C10orf90: variants seen among roughly 807,000 people sequenced by gnomAD.
The protein encoded by C10orf90 is chromosome 10 open reading frame 90, also known as (E2-independent) E3 ubiquitin-conjugating enzyme FATS.
Under a neutral mutation model 62.5 loss-of-function variants are expected in C10orf90, and 56 were observed. The ratio of observed to expected loss-of-function variants is 0.90; its 90% confidence interval spans 0.72 to 1.12. The LOEUF is 1.12. C10orf90 is among the 50% of genes most tolerant of loss of function. C10orf90 has a pLI of 0.00. For missense variants in C10orf90, 970 were observed against 880.4 expected, an observed-to-expected ratio of 1.10 and a Z score of -1.29; for synonymous variants, 386 against 340.4, an observed-to-expected ratio of 1.13 and a Z score of -1.47.
intron 4 of C10orf90, among the ~76,000 whole-genome samples, chr10:126,492,454 T>G (rs1277095083): frequency 1.3e-5 from 2 of 152,246 alleles, no homozygotes; most frequent in Non-Finnish European, 2.9e-5. Flanking sequence ...GAAGGATGTA[T>G]GCATGGGAAT....
intron 2 of C10orf90, among the ~76,000 whole-genome samples, chr10:126,556,698 T>A (rs1427993463): frequency 6.6e-6 from 1 of 152,032 alleles, no homozygotes; most frequent in East Asian, 1.9e-4. Context: ...TCATTTCTAG[T>A]GGGTTAAATC....
chr10:126,657,995 G>A (rs1846431131), intron 1 of C10orf90, among the ~76,000 whole-genome samples: 1 of 152,164 alleles, frequency 6.6e-6, no homozygotes, highest in Admixed American at 6.6e-5. Context: ...GGAGGCACAT[G>A]CACTCCCTCA....
At chr10:126,487,142 C>CAAAAAAAAAAAAAAAAAAAAAAA (rs1158481155) in intron 4 of C10orf90, among the ~76,000 whole-genome samples, 2 of 29,454 alleles carry the variant, frequency 6.8e-5, no homozygotes, top group African/African-American at 2.8e-4. Context: ...AAAACTCTGT[C>CAAAAAAAAAAAAAAAAAAAAAAA]AAAAAAAAAA....
intron 2 of C10orf90, among the ~76,000 whole-genome samples, chr10:126,541,751 G>C (rs1181318278): frequency 1.3e-5 from 2 of 152,198 alleles, no homozygotes; most frequent in African/African-American, 4.8e-5. Flanking sequence ...TTGCCAATGG[G>C]AATGTAAAAT....
At chr10:126,474,663 T>C (rs189958605) in intron 4 of C10orf90, among the ~76,000 whole-genome samples, 2 of 152,366 alleles carry the variant, frequency 1.3e-5, no homozygotes, top group Admixed American at 6.5e-5. Flanking sequence ...ATTATGATAA[T>C]GTTGACACCA....
intron 4 of C10orf90, among the ~76,000 whole-genome samples, chr10:126,502,213 T>A (rs1691171807): frequency 6.6e-6 from 1 of 152,122 alleles, no homozygotes; most frequent in South Asian, 2.1e-4. Flanking sequence ...GTAAAATTCA[T>A]CCATGTAACC....
chr10:126,481,141 T>C (rs1033816451), intron 4 of C10orf90, among the ~76,000 whole-genome samples: 1 of 152,234 alleles, frequency 6.6e-6, no homozygotes, highest in African/African-American at 2.4e-5. Context: ...CCTTCCATCA[T>C]CTGCAGATCT....
At position 126,459,171 on chromosome 10, in the gene C10orf90, T is replaced by A; in HGVS notation, c.2057A>T (p.Glu686Val). ...CATGTGTTCAAGCTTCTTCAGCCGT[T>A]CTTGTGAGCGAGAAATGAACTGAGG... ...RKPQFISRSQ[E>V]RLKKLEHMVQ... Residue 686 changes from glutamate to valine, a missense_variant, in exon 7 of 10, where the codon GAA (glutamate) becomes GTA (valine). By Grantham distance (121) the Glu-to-Val change is moderately radical. Coordinates refer to ENST00000488181, the MANE Select transcript of C10orf90 (RefSeq NM_001350921.2). 6.2e-7 allele frequency: 1 copy of A among 1,614,152 alleles called. No homozygotes were observed. The highest frequency in any genetic ancestry group is 8.5e-7 in the Non-Finnish European group (1 of 1,180,036).
At chr10:126,494,857 G>C (rs1363073102) in intron 4 of C10orf90, among the ~76,000 whole-genome samples, 2 of 152,224 alleles carry the variant, frequency 1.3e-5, no homozygotes, top group East Asian at 3.9e-4. Context: ...AGTGACAAAG[G>C]TTGTGTTCCC....
At chr10:126,484,541 T>C (rs1409125586) in intron 4 of C10orf90, among the ~76,000 whole-genome samples, 4 of 152,174 alleles carry the variant, frequency 2.6e-5, no homozygotes, top group Non-Finnish European at 5.9e-5. Context: ...CCTATCAAAT[T>C]AGTAAAGTGT....
chr10:126,627,825 C>T (rs116340535), intron 2 of C10orf90, among the ~76,000 whole-genome samples: 222 of 152,246 alleles, frequency 1.5e-3, no homozygotes, highest in African/African-American at 4.8e-3. Flanking sequence ...TGGGTTCCAG[C>T]GATCCTCCCA....
intron 2 of C10orf90, among the ~76,000 whole-genome samples, chr10:126,606,594 G>A (rs1564889980): frequency 6.6e-6 from 1 of 152,142 alleles, no homozygotes; most frequent in African/African-American, 2.4e-5. Flanking sequence ...TCCATCTGCT[G>A]GAGTCCCACC....
chr10:126,622,872 A>C (rs1420901681), intron 2 of C10orf90, among the ~76,000 whole-genome samples: 1 of 152,250 alleles, frequency 6.6e-6, no homozygotes, highest in Non-Finnish European at 1.5e-5. Context: ...CCTACTTGAC[A>C]TAAAATTATT....
At chr10:126,580,725 G>A (rs964364632) in intron 2 of C10orf90, among the ~76,000 whole-genome samples, 5 of 151,488 alleles carry the variant, frequency 3.3e-5, no homozygotes, top group South Asian at 2.1e-4. Context: ...AGAAGTGTGC[G>A]TGTATGTATT....
chr10:126,638,608 T>C (rs1348006513), intron 2 of C10orf90, among the ~76,000 whole-genome samples: 1 of 152,162 alleles, frequency 6.6e-6, no homozygotes, highest in East Asian at 1.9e-4. Context: ...AGGTCCAGTA[T>C]GACCTGTGCC....
intron 2 of C10orf90, among the ~76,000 whole-genome samples, chr10:126,518,437 T>C (rs1209633657): frequency 6.6e-6 from 1 of 152,112 alleles, no homozygotes; most frequent in Admixed American, 6.5e-5. Flanking sequence ...ATCATAATGC[T>C]TTGATTCAAA....
intron 2 of C10orf90, among the ~76,000 whole-genome samples, chr10:126,563,223 A>G (rs1864942702): frequency 6.6e-6 from 1 of 152,186 alleles, no homozygotes; most frequent in African/African-American, 2.4e-5. Flanking sequence ...GCACTGCAGT[A>G]GCGTGGGGCT....
intron 7 of C10orf90, among the ~76,000 whole-genome samples, chr10:126,451,169 T>G (rs1564800842): frequency 2.0e-5 from 3 of 152,124 alleles, no homozygotes; most frequent in Admixed American, 6.5e-5. Flanking sequence ...GTATGGCTAT[T>G]ATCAAAGACA....
chr10:126,535,024 T>A (rs1162413924), intron 2 of C10orf90, among the ~76,000 whole-genome samples: 6 of 152,082 alleles, frequency 3.9e-5, no homozygotes, highest in Non-Finnish European at 8.8e-5. Context: ...CCACATATTA[T>A]CACCCCAGGA....
Sources: gnomAD v4.1 joint callset for allele counts (sites outside exome capture counted in the v4.1 genomes callset) on GRCh38, gnomAD v4.1.1 for gene constraint, MANE v1.5 for transcripts, NCBI Gene and HGNC (gene_info 2026-07-23, HGNC 2026-07-21) for gene names.